The following RASSF5 variants were observed in gnomAD, a reference collection of about 807,000 sequenced individuals.
The protein encoded by RASSF5 is Ras association domain family member 5, also known as ras association domain-containing protein 5.
In RASSF5, 25 loss-of-function variants were observed where a neutral mutation model predicts 40.5. That is an observed-to-expected ratio of 0.62 (90% CI 0.45 to 0.86). The LOEUF (loss-of-function observed/expected upper bound fraction) is 0.86. Among genes scored for constraint, RASSF5 ranks in the 40% least tolerant of loss-of-function variants. The pLI, the probability that RASSF5 is intolerant of heterozygous loss-of-function variation, is 0.00. For synonymous variants in RASSF5, 246 were observed against 252.4 expected (o/e 0.97, Z 0.24); for missense variants, 521 against 572.8 (o/e 0.91, Z 0.92).
At chr1:206,564,120 T>C (rs1330527875) in intron 2 of RASSF5, among the ~76,000 whole-genome samples, 1 of 152,218 alleles carries the variant, frequency 6.6e-6, no homozygotes, top group Non-Finnish European at 1.5e-5. Context: ...TGAGTGTCCT[T>C]ATCTTCCCTG....
chr1:206,517,220 T>C (rs1178201631), intron 1 of RASSF5, among the ~76,000 whole-genome samples: 1 of 152,110 alleles, frequency 6.6e-6, no homozygotes, highest in African/African-American at 2.4e-5. Flanking sequence ...ACCCCTGTAA[T>C]CCCAGCACTT....
intron 1 of RASSF5, among the ~76,000 whole-genome samples, chr1:206,519,185 G>T (rs1012782968): frequency 7.2e-5 from 11 of 152,130 alleles, no homozygotes; most frequent in African/African-American, 2.7e-4. Flanking sequence ...AAGATAAGAG[G>T]CAGAGACAAC....
At chr1:206,545,703 A>G (rs1276983353) in intron 2 of RASSF5, among the ~76,000 whole-genome samples, 3 of 152,126 alleles carry the variant, frequency 2.0e-5, no homozygotes, top group African/African-American at 7.2e-5. Flanking sequence ...TATCCCTGTT[A>G]ACATTCTCTA....
At position 206,587,495 on chromosome 1, in the gene RASSF5, C is replaced by T. The variant is rs1166476827; in HGVS notation, c.*517C>T. ...CTCATAAAAGGACTGTTCCCGCGGCCCCAAGGTGCCTGTTGTTCACACTTA... is the reference window on the plus strand; with the variant it reads ...CTCATAAAAGGACTGTTCCCGCGGCTCCAAGGTGCCTGTTGTTCACACTTA... On this transcript the variant is annotated 3_prime_UTR_variant, in exon 6 of 6. Transcript: ENST00000579436. 5.9e-6 allele frequency: 1 copy of T among 170,520 alleles called. No individual in the cohort carries two copies. Among genetic ancestry groups the T allele is most frequent in the African/African-American group, 2.4e-5 (1 of 41,588 alleles). 10.6% of individuals were successfully genotyped at this position (170,520 alleles called of 1,614,324 possible).
chr1:206,537,943 A>G (rs1667458630), intron 1 of RASSF5, among the ~76,000 whole-genome samples: 1 of 152,050 alleles, frequency 6.6e-6, no homozygotes, highest in African/African-American at 2.4e-5. Flanking sequence ...AGTCACACAA[A>G]GTAATGCAGG....
chr1:206,554,084 C>T (rs1212352756), intron 2 of RASSF5, among the ~76,000 whole-genome samples: 3 of 152,232 alleles, frequency 2.0e-5, no homozygotes, highest in Non-Finnish European at 4.4e-5. Context: ...CACATACTAG[C>T]TAACGGTGAT....
In RASSF5 at chr1:206,579,239, A is replaced by G. The variant is rs1668774974; in HGVS notation, c.580-4030A>G. Among the ~76,000 whole-genome samples, 1 of 152,230 alleles carries G rather than the reference A, an allele frequency of 6.6e-6. No homozygotes were observed. Among genetic ancestry groups the G allele is most frequent in the South Asian group, 2.1e-4 (1 of 4,834 alleles). Reference sequence around the variant, plus strand: ...AATGCCAGGGGCTTAATCGGAATAGATGAATTCCATGCCAGATGCACTGAG... The same window carrying G: ...AATGCCAGGGGCTTAATCGGAATAGGTGAATTCCATGCCAGATGCACTGAG... On this transcript the variant is annotated intron_variant, in intron 2 of 5. Coordinates refer to ENST00000579436, the MANE Select transcript of RASSF5 (RefSeq NM_182663.4). The surrounding 1 kb of genome is among the most constrained non-coding windows in gnomAD (Gnocchi z 4.2).
chr1:206,511,107 T>C (rs1666603342), intron 1 of RASSF5, among the ~76,000 whole-genome samples: 1 of 152,258 alleles, frequency 6.6e-6, no homozygotes, highest in South Asian at 2.1e-4. Context: ...ACAGGGAAGT[T>C]CAGAGTTAAT....
chr1:206,586,596 C>T (rs1669122186), intron 5 of RASSF5: 3 of 487,282 alleles, frequency 6.2e-6, no homozygotes, highest in Non-Finnish European at 7.4e-6. Flanking sequence ...AAACATGGTT[C>T]ATAGACTGGC....
At chr1:206,526,854 T>C (rs1315743726) in intron 1 of RASSF5, among the ~76,000 whole-genome samples, 2 of 152,186 alleles carry the variant, frequency 1.3e-5, no homozygotes, top group African/African-American at 4.8e-5. Flanking sequence ...CTGGGTGGAC[T>C]CAGGCATCTC....
Position 206,507,888 on chromosome 1 carries a change from G to A in RASSF5, c.286G>A (p.Gly96Arg). 1 of 1,499,758 alleles carries A rather than the reference G, an allele frequency of 6.7e-7. No individual in the cohort carries two copies. Among genetic ancestry groups the A allele is most frequent in the South Asian group, 1.2e-5 (1 of 80,148 alleles). The allele number at this position is 1,499,758 out of a possible 1,614,324, so 92.9% of individuals were successfully genotyped here. ...GCAGCAGAGACTGCGGCGGCGGCCT[G>A]GAGCGCCCCGACCCCGCGACGTGCG... Reference protein sequence around the residue: ...GLQQRLRRRPGAPRPRDVRSI... With the variant: ...GLQQRLRRRPRAPRPRDVRSI... The change falls in exon 1 of 6, where the codon GGA (glycine) becomes AGA (arginine). Residue 96 changes from glycine (G) to arginine (R), a missense_variant. Gly to Arg is a moderately radical substitution (Grantham distance 125, BLOSUM62 -2). Transcript: ENST00000579436.
At position 206,531,363 on chromosome 1, in the gene RASSF5, C is replaced by T. The variant is rs533119440; in HGVS notation, c.458-6809C>T. On this transcript the variant is annotated intron_variant, in intron 1 of 5. Transcript: ENST00000579436. The surrounding 1 kb of genome is among the most constrained non-coding windows in gnomAD (Gnocchi z 4.7). ...TGTGGCCGAGGAGATCCGGAGCAGG[C>T]GGTGAGGTTGCAGAGGGAACAACTG... 2.0e-5 allele frequency among the ~76,000 whole-genome samples: 3 copies of T among 152,282 alleles called. No homozygotes were observed. Among genetic ancestry groups the T allele is most frequent in the African/African-American group, 7.2e-5 (3 of 41,566 alleles).
intron 2 of RASSF5, among the ~76,000 whole-genome samples, chr1:206,549,680 G>T (rs1312207322): frequency 6.6e-6 from 1 of 152,146 alleles, no homozygotes; most frequent in Non-Finnish European, 1.5e-5. Context: ...TCCTTTTTAA[G>T]GTTTTAAGAG....
intron 2 of RASSF5, among the ~76,000 whole-genome samples, chr1:206,545,252 AT>A (rs1667651239): frequency 6.6e-6 from 1 of 151,794 alleles, no homozygotes. Context: ...ATCTCCAACT[AT>A]AATTGTGGAT....
chr1:206,546,089 A>ATTTTTTTTTTTTTTTTTTTT (rs10603701), intron 2 of RASSF5, among the ~76,000 whole-genome samples: 2 of 48,250 alleles, frequency 4.1e-5, no homozygotes, highest in African/African-American at 8.1e-5. Context: ...TTCTTTTTCT[A>ATTTTTTTTTTTTTTTTTTTT]TTTTTTTTTT....
At chr1:206,530,022 A>G (rs1553397740) in intron 1 of RASSF5, among the ~76,000 whole-genome samples, 1 of 152,236 alleles carries the variant, frequency 6.6e-6, no homozygotes, top group Admixed American at 6.5e-5. Context: ...TACCTGGTGT[A>G]TGGTGGGTAC....
At chr1:206,581,369 G>A (rs1436237515) in intron 2 of RASSF5, among the ~76,000 whole-genome samples, 4 of 152,118 alleles carry the variant, frequency 2.6e-5, no homozygotes, top group African/African-American at 2.4e-5. Flanking sequence ...AGGCCAAGGC[G>A]GATGGATCAT....
intron 2 of RASSF5, chr1:206,544,605 G>A (rs1667627299): frequency 6.6e-6 from 1 of 152,238 alleles, no homozygotes; most frequent in Non-Finnish European, 1.5e-5. Context: ...ATGAGTCCCT[G>A]TCCCCACTCA....
rs1237895277 is a variant in RASSF5 at position 206,560,788 on chromosome 1, G to A, written c.580-22481G>A. Among the ~76,000 whole-genome samples, 3 of 152,184 alleles carry A rather than the reference G, an allele frequency of 2.0e-5. No homozygotes were observed. Among genetic ancestry groups the A allele is most frequent in the African/African-American group, 7.2e-5 (3 of 41,438 alleles). On this transcript the variant is annotated intron_variant, in intron 2 of 5. Transcript: ENST00000579436. The surrounding 1 kb of genome is among the most constrained non-coding windows in gnomAD (Gnocchi z 5.1). ...CAGGTCACAAGACAAGGTTTTGATG[G>A]ACCCAAGGTTAGAACTTCCCTCTTT...
Sources: allele counts gnomAD v4.1 joint callset (sites outside exome capture counted in the v4.1 genomes callset), GRCh38; gene constraint gnomAD v4.1.1; non-coding constraint Gnocchi (gnomAD v3.1); transcripts MANE v1.5; gene names NCBI Gene and HGNC (gene_info 2026-07-23, HGNC 2026-07-21).